DAB1: variants seen among roughly 807,000 people sequenced by gnomAD.
The protein encoded by DAB1 is disabled homolog 1.
DAB1 carries 15 observed loss-of-function variants against 64.6 expected under a neutral mutation model. That is an observed-to-expected ratio of 0.23 (90% CI 0.16 to 0.36). DAB1 has a LOEUF of 0.36. Ranked by LOEUF, DAB1 falls within the 10% of genes least tolerant of loss-of-function variation. DAB1 has a pLI of 1.00. For synonymous variants in DAB1, 235 were observed against 251.9 expected, an observed-to-expected ratio of 0.93 and a Z score of 0.64; for missense variants, 596 against 706.7, an observed-to-expected ratio of 0.84 and a Z score of 1.78.
chr1:58,238,784 C>G (rs1660159935), intron 4 of DAB1, among the ~76,000 whole-genome samples: 2 of 152,132 alleles, frequency 1.3e-5, no homozygotes, highest in Admixed American at 1.3e-4. Context: ...CTATAGCAGA[C>G]ATGCTATAGG....
At chr1:56,999,971 G>T (rs935198111) in intron 14 of DAB1, among the ~76,000 whole-genome samples, 2 of 151,048 alleles carry the variant, frequency 1.3e-5, no homozygotes, top group Non-Finnish European at 2.9e-5. Context: ...AATGTCTGAT[G>T]ACAGAAAAGT....
chr1:57,405,737 G>A (rs1683584251), intron 1 of DAB1, among the ~76,000 whole-genome samples: 1 of 152,136 alleles, frequency 6.6e-6, no homozygotes, highest in Admixed American at 6.6e-5. Context: ...GCCCTTGTAA[G>A]CATCTGAGCT....
At chr1:57,673,276 T>G (rs1646528940) in intron 6 of DAB1, among the ~76,000 whole-genome samples, 2 of 152,098 alleles carry the variant, frequency 1.3e-5, no homozygotes, top group Non-Finnish European at 2.9e-5. Context: ...AGGCTCCACC[T>G]CCAACTACCA....
At chr1:57,931,804 G>T (rs760743051) in intron 5 of DAB1, among the ~76,000 whole-genome samples, 3 of 151,990 alleles carry the variant, frequency 2.0e-5, no homozygotes, top group Non-Finnish European at 2.9e-5. Context: ...AAAGTTTTTG[G>T]TTTGGTTGAT....
At chr1:57,050,811 A>G (rs1649110098) in intron 9 of DAB1, among the ~76,000 whole-genome samples, 2 of 152,290 alleles carry the variant, frequency 1.3e-5, no homozygotes, top group Middle Eastern at 6.8e-3. Flanking sequence ...TAGTGAAGAG[A>G]ATGTTGTTTG....
chr1:57,363,629 C>G (rs1679734578), intron 1 of DAB1, among the ~76,000 whole-genome samples: 1 of 152,104 alleles, frequency 6.6e-6, no homozygotes, highest in Non-Finnish European at 1.5e-5. Flanking sequence ...ATATTAGGGA[C>G]TCCTCTCATT....
chr1:57,186,782 G>T (rs1038027282), intron 2 of DAB1, among the ~76,000 whole-genome samples: 1 of 152,292 alleles, frequency 6.6e-6, no homozygotes, highest in African/African-American at 2.4e-5. Flanking sequence ...TGTATTCCAA[G>T]TGATGGCTTG....
At chr1:57,127,522 G>A (rs180748917) in intron 4 of DAB1, among the ~76,000 whole-genome samples, 3 of 152,212 alleles carry the variant, frequency 2.0e-5, no homozygotes, top group Admixed American at 2.0e-4. Flanking sequence ...ATTTATGTAT[G>A]TCTATTTTTT....
chr1:57,182,633 G>C (rs1225606509), intron 2 of DAB1, among the ~76,000 whole-genome samples: 1 of 152,158 alleles, frequency 6.6e-6, no homozygotes, highest in African/African-American at 2.4e-5. Flanking sequence ...ATAGTATAAT[G>C]TAACTATAAA....
At position 58,447,592 on chromosome 1, in the gene DAB1, G is replaced by A. The variant is rs368261298; in HGVS notation, n.257+58468C>T. ...CTTATAGATTAGTGAGGGAGAGGGT[G>A]AATAACCAGATAAACAAACGCTCGT... On this transcript the variant is annotated intron_variant and non_coding_transcript_variant, in intron 3 of 20. Coordinates refer to the DAB1 transcript ENST00000485760. 6.6e-5 allele frequency among the ~76,000 whole-genome samples: 10 copies of A among 152,262 alleles called. No individual in the cohort carries two copies. In the South Asian group the frequency reaches 1.5e-3, roughly 22 times the overall value.
intron 4 of DAB1, among the ~76,000 whole-genome samples, chr1:58,325,708 T>C (rs1299097664): frequency 6.6e-6 from 1 of 152,210 alleles, no homozygotes; most frequent in Non-Finnish European, 1.5e-5. Flanking sequence ...GTAAAGGACT[T>C]AACATAAGCA....
chr1:58,434,777 A>C (rs1195424343), intron 3 of DAB1, among the ~76,000 whole-genome samples: 1 of 152,202 alleles, frequency 6.6e-6, no homozygotes, highest in African/African-American at 2.4e-5. Flanking sequence ...ACATTTAGAA[A>C]ATTAAACAAA....
intron 5 of DAB1, among the ~76,000 whole-genome samples, chr1:57,891,094 A>G (rs1396605130): frequency 6.6e-6 from 1 of 152,228 alleles, no homozygotes; most frequent in Non-Finnish European, 1.5e-5. Context: ...AGAATGGGAG[A>G]AAATTTTTGC....
chr1:58,179,313 T>C (rs1656655539), intron 4 of DAB1, among the ~76,000 whole-genome samples: 1 of 152,108 alleles, frequency 6.6e-6, no homozygotes, highest in African/African-American at 2.4e-5. Flanking sequence ...TGTAATATCT[T>C]TTTCTGACTT....
At chr1:57,545,189 T>C (rs1171857551) in intron 7 of DAB1, among the ~76,000 whole-genome samples, 1 of 152,204 alleles carries the variant, frequency 6.6e-6, no homozygotes, top group Non-Finnish European at 1.5e-5. Flanking sequence ...CATTCATGTC[T>C]TCTTAAATGA....
At chr1:57,057,471 T>A (rs1216360476) in intron 9 of DAB1, among the ~76,000 whole-genome samples, 1 of 152,208 alleles carries the variant, frequency 6.6e-6, no homozygotes, top group East Asian at 1.9e-4. Flanking sequence ...ATGTAACTGA[T>A]ACACTCTTAA....
chr1:58,261,101 T>C (rs1661038361), intron 4 of DAB1, among the ~76,000 whole-genome samples: 2 of 152,244 alleles, frequency 1.3e-5, no homozygotes, highest in African/African-American at 4.8e-5. Flanking sequence ...TGTGGGTATT[T>C]GTATCCTATA....
intron 5 of DAB1, among the ~76,000 whole-genome samples, chr1:57,997,708 G>A (rs966163711): frequency 6.6e-6 from 1 of 152,098 alleles, no homozygotes. Context: ...GAGGGGAGAA[G>A]GAGAAATTTT....
chr1:57,125,255 C>T (rs529594493), intron 4 of DAB1, among the ~76,000 whole-genome samples: 2 of 152,258 alleles, frequency 1.3e-5, no homozygotes, highest in African/African-American at 4.8e-5. Flanking sequence ...AAGGGACTCC[C>T]GCCCTTGGGG....
Sources: allele counts gnomAD v4.1 joint callset (sites outside exome capture counted in the v4.1 genomes callset), GRCh38; gene constraint gnomAD v4.1.1; transcripts MANE v1.5; gene names NCBI Gene and HGNC (gene_info 2026-07-23, HGNC 2026-07-21).